The following KIF21A variants were observed in gnomAD, a reference collection of about 807,000 sequenced individuals.
The protein encoded by KIF21A is kinesin-like protein KIF21A.
In KIF21A, 114 loss-of-function variants were observed where a neutral mutation model predicts 202.9. The observed-to-expected ratio is 0.56, with a 90% CI of 0.48 to 0.66. The LOEUF (loss-of-function observed/expected upper bound fraction) is 0.66, where lower values mean the gene tolerates loss of function less well. KIF21A is among the 30% of genes least tolerant of loss of function. The pLI is 0.00. For missense variants in KIF21A, 1,677 were observed against 1,994.9 expected (o/e 0.84, Z 3.04); for synonymous variants, 667 against 670.8 (o/e 0.99, Z 0.09).
chr12:39,321,338 A>T (rs1018217217), intron 27 of KIF21A: 12 of 152,236 alleles, frequency 7.9e-5, no homozygotes, highest in Non-Finnish European at 1.5e-4. Context: ...TAAAAAGACA[A>T]ATAGATTACC....
chr12:39,301,412 T>G lies in KIF21A; in HGVS notation c.4931+68A>C, dbSNP rs1387197491. 3.4e-6 allele frequency: 4 copies of G among 1,185,094 alleles called. No homozygotes were observed. In the East Asian group the frequency reaches 9.3e-5, roughly 28 times the overall value. The allele number at this position is 1,185,094 out of a possible 1,614,324, so 73.4% of individuals were successfully genotyped here. A position where few individuals can be genotyped will look rare whatever the true frequency, so the allele number is the denominator to read the frequency against. ...TTGTATATTCAACGTTTCTAGATAT[T>G]TACAACATATTTATTAAATCTGAAC... On this transcript the variant is annotated intron_variant, in intron 37 of 37. Transcript: ENST00000361418.
intron 1 of KIF21A, among the ~76,000 whole-genome samples, chr12:39,394,518 T>C (rs1210183904): frequency 6.6e-6 from 1 of 152,188 alleles, no homozygotes; most frequent in Admixed American, 6.5e-5. Context: ...TTTACATTAG[T>C]TCCAATCTTA....
In KIF21A at chr12:39,340,289, T is replaced by A; in HGVS notation, c.2186A>T (p.Asn729Ile). The stretch of plus-strand genomic sequence containing the variant: ...TGCTTGAAGTCTCTGCAGTTCTTTG[T>A]TCATGGCTTGGAGTTTCTTTTCATA... The part of the protein sequence containing the change: ...SEYEKKLQAM[N>I]KELQRLQAAQ... The change falls in exon 16 of 38, where the codon AAC becomes ATC. Residue 729 changes from asparagine to isoleucine, a missense_variant. Transcript: ENST00000361418. 6.2e-7 allele frequency: 1 copy of A among 1,613,094 alleles called. No individual in the cohort carries two copies. Among genetic ancestry groups the A allele is most frequent in the Non-Finnish European group, 8.5e-7 (1 of 1,179,570 alleles).
intron 15 of KIF21A, among the ~76,000 whole-genome samples, chr12:39,340,632 A>G (rs1947362755): frequency 6.6e-6 from 1 of 152,130 alleles, no homozygotes; most frequent in South Asian, 2.1e-4. Context: ...TAAAGTAAGT[A>G]AACAGCCTAG....
At chr12:39,331,454 CTTCT>C (rs1946496844) in intron 22 of KIF21A, among the ~76,000 whole-genome samples, 1 of 152,082 alleles carries the variant, frequency 6.6e-6, no homozygotes, top group African/African-American at 2.4e-5. Flanking sequence ...GGAATTATTT[CTTCT>C]TTAAGTTGTT....
At chr12:39,324,088 C>T (rs368967289) in intron 26 of KIF21A, among the ~76,000 whole-genome samples, 2 of 151,234 alleles carry the variant, frequency 1.3e-5, no homozygotes, top group South Asian at 2.1e-4. Flanking sequence ...CCAGTCTGGG[C>T]GATAGAGCAA....
rs568329670 is a variant in KIF21A at position 39,437,530 on chromosome 12, A to G, written c.44+5397T>C. On this transcript the variant is annotated intron_variant, in intron 1 of 37. Transcript: ENST00000361418. ...GGCATGATATAAGGAATATCCTCCTAATGCATTGGCATTTTGTATCATTGT... is the reference window on the plus strand; with the variant it reads ...GGCATGATATAAGGAATATCCTCCTGATGCATTGGCATTTTGTATCATTGT... 2.0e-5 allele frequency among the ~76,000 whole-genome samples: 3 copies of G among 152,350 alleles called. No homozygotes were observed. The East Asian group carries it at 5.8e-4, about 29-fold the overall frequency.
chr12:39,302,524 G>T (rs555912903), intron 36 of KIF21A, among the ~76,000 whole-genome samples: 27 of 152,226 alleles, frequency 1.8e-4, no homozygotes, highest in African/African-American at 6.0e-4. Flanking sequence ...TCATTTTGTA[G>T]GAAATGAGAG....
rs1256489559 is a variant in KIF21A at position 39,341,103 on chromosome 12, A to G, written c.1922-9T>C. ...GTCTGCTTGATAATTGGCTATTTAT[A>G]AAAGAAGAAAATAAAAATCCTGGTG... On this transcript the variant is annotated splice_polypyrimidine_tract_variant and intron_variant, in intron 14 of 37. Transcript: ENST00000361418. 3.2e-6 allele frequency: 5 copies of G among 1,580,658 alleles called. No individual in the cohort carries two copies. Among genetic ancestry groups the G allele is most frequent in the Non-Finnish European group, 4.3e-6 (5 of 1,158,774 alleles).
chr12:39,374,013 T>C (rs749693221), intron 1 of KIF21A, among the ~76,000 whole-genome samples: 2 of 152,192 alleles, frequency 1.3e-5, no homozygotes, highest in Non-Finnish European at 2.9e-5. Flanking sequence ...GTCCCACACA[T>C]GCAGATTAAT....
At position 39,306,205 on chromosome 12, in the gene KIF21A, C is replaced by T. The variant is rs145082995; in HGVS notation, c.4443-1267G>A. Among the ~76,000 whole-genome samples the T allele has an allele frequency of 5.9e-3, 904 of 152,322 alleles. 12 individuals carry two copies. Among genetic ancestry groups the T allele is most frequent in the African/African-American group, 0.021 (856 of 41,566 alleles). The stretch of plus-strand genomic sequence containing the variant: ...CTTAGTTCCTTTGTTAAGATCTACA[C>T]TTAATTAGTAGCATCTTGCTGAAAT... On this transcript the variant is annotated intron_variant, in intron 34 of 37. Coordinates refer to ENST00000361418, the MANE Select transcript of KIF21A (RefSeq NM_001173464.2).
chr12:39,369,659 G>T, intron 3 of KIF21A, 70 bp downstream of exon 3: 2 of 1,180,104 alleles, frequency 1.7e-6, no homozygotes, highest in Non-Finnish European at 2.5e-6. Context: ...GAAGCCAACA[G>T]TATAAAATCA....
intron 1 of KIF21A, among the ~76,000 whole-genome samples, chr12:39,403,955 A>G (rs1952378579): frequency 6.6e-6 from 1 of 152,234 alleles, no homozygotes; most frequent in South Asian, 2.1e-4. Flanking sequence ...AAAGTTTCTC[A>G]AAGGACCAAA....
rs183063382 is a variant in KIF21A at position 39,419,216 on chromosome 12, G to T, written c.44+23711C>A. The stretch of plus-strand genomic sequence containing the variant: ...CAAGTTCCTAGGTGTAGTTCTAACA[G>T]TAGAAATGCCTTGGAAACAGATTCA... On this transcript the variant is annotated intron_variant, in intron 1 of 37. Transcript: ENST00000361418. Among the ~76,000 whole-genome samples the T allele has an allele frequency of 2.0e-5, 3 of 152,270 alleles. No homozygotes were observed. In the East Asian group the frequency reaches 5.8e-4, roughly 29 times the overall value.
At chr12:39,372,181 G>A (rs1265390501) in intron 1 of KIF21A, among the ~76,000 whole-genome samples, 1 of 152,106 alleles carries the variant, frequency 6.6e-6, no homozygotes, top group Admixed American at 6.6e-5. Flanking sequence ...GGAAGAACAG[G>A]AATGACAATA....
chr12:39,323,068 C>A lies in KIF21A; in HGVS notation c.3457-186G>T, dbSNP rs60206027. Among the ~76,000 whole-genome samples the A allele has an allele frequency of 0.041, 5,367 of 131,738 alleles. 324 individuals carry two copies. The highest frequency in any genetic ancestry group is 0.14 in the African/African-American group (5,113 of 37,592). The allele number at this position is 131,738 out of a possible 152,430, so 86.4% of individuals were successfully genotyped here. A position where few individuals can be genotyped will look rare whatever the true frequency, so the allele number is the denominator to read the frequency against. ...ATATAGCTAGATAAACCTTTAGAGG[C>A]CAAAATAATAGCCAACATTTGTATT... On this transcript the variant is annotated intron_variant, in intron 26 of 37. Transcript: ENST00000361418.
chr12:39,425,932 T>TAAAA (rs1016584377), intron 1 of KIF21A, among the ~76,000 whole-genome samples: 2 of 53,274 alleles, frequency 3.8e-5, no homozygotes, highest in African/African-American at 7.2e-5. Flanking sequence ...GATTAGAAAC[T>TAAAA]AAAAAAAAAA....
intron 12 of KIF21A, 109 bp downstream of exon 12, chr12:39,346,357 C>G: frequency 1.6e-6 from 1 of 622,472 alleles, no homozygotes. Context: ...TAGGAGCAGC[C>G]CAGCTTATCT....
chr12:39,384,375 C>T (rs1039092097), intron 1 of KIF21A, among the ~76,000 whole-genome samples: 3 of 152,132 alleles, frequency 2.0e-5, no homozygotes, highest in Non-Finnish European at 2.9e-5. Flanking sequence ...TATCTTCACA[C>T]AACTACAATT....
Sources: allele counts gnomAD v4.1 joint callset (sites outside exome capture counted in the v4.1 genomes callset), GRCh38; gene constraint gnomAD v4.1.1; transcripts MANE v1.5; gene names NCBI Gene and HGNC (gene_info 2026-07-23, HGNC 2026-07-21).